CNTNAP2: variants seen among roughly 807,000 people sequenced by gnomAD.
CNTNAP2 encodes contactin-associated protein-like 2.
CNTNAP2 carries 98 observed loss-of-function variants against 155.2 expected under a neutral mutation model. The ratio of observed to expected loss-of-function variants is 0.63; its 90% confidence interval spans 0.54 to 0.75. The LOEUF is 0.75. Ranked by LOEUF, CNTNAP2 falls within the 30% of genes least tolerant of loss-of-function variation. CNTNAP2 has a pLI of 0.00. For synonymous variants in CNTNAP2, 651 were observed against 631.2 expected (o/e 1.03, Z -0.47); for missense variants, 1,727 against 1,688.1 (o/e 1.02, Z -0.40).
chr7:147,092,273 G>C (rs1800424038), intron 4 of CNTNAP2, among the ~76,000 whole-genome samples: 2 of 152,256 alleles, frequency 1.3e-5, no homozygotes, highest in South Asian at 4.1e-4. Context: ...CTGGATTTGT[G>C]ATATATCTGT....
intron 3 of CNTNAP2, among the ~76,000 whole-genome samples, chr7:146,923,600 G>T (rs971296653): frequency 6.6e-6 from 1 of 152,128 alleles, no homozygotes; most frequent in African/African-American, 2.4e-5. Context: ...GGGAGAAAGA[G>T]ATCTCACTCT....
chr7:147,059,229 G>A (rs942368390), intron 4 of CNTNAP2, among the ~76,000 whole-genome samples: 1 of 152,156 alleles, frequency 6.6e-6, no homozygotes, highest in Non-Finnish European at 1.5e-5. Context: ...GTGAAAATAT[G>A]TTCTATTGAA....
chr7:147,620,353 T>C (rs569792864), intron 12 of CNTNAP2, among the ~76,000 whole-genome samples: 1 of 152,210 alleles, frequency 6.6e-6, no homozygotes, highest in South Asian at 2.1e-4. Flanking sequence ...CAGGAACCAA[T>C]CCTAGTGAAA....
rs6464803 is a variant in CNTNAP2, at chr7:147,453,807, C to A, written c.1671-32128C>A. ...AAAGCTAAAAAAAAGAAAATGCCACCAAAAGTTCTTTAATGTATTTTTAAA... is the reference window on the plus strand; with the variant it reads ...AAAGCTAAAAAAAAGAAAATGCCACAAAAAGTTCTTTAATGTATTTTTAAA... On this transcript the variant is annotated intron_variant, in intron 10 of 23. Coordinates refer to ENST00000361727, the MANE Select transcript of CNTNAP2 (RefSeq NM_014141.6). Among the ~76,000 whole-genome samples the A allele has an allele frequency of 2.0e-5, 3 of 152,142 alleles. No individual in the cohort carries two copies. In the East Asian group the frequency reaches 5.8e-4, roughly 29 times the overall value.
chr7:147,872,881 T>C (rs759964360), intron 13 of CNTNAP2, among the ~76,000 whole-genome samples: 1 of 152,152 alleles, frequency 6.6e-6, no homozygotes, highest in Non-Finnish European at 1.5e-5. Flanking sequence ...AACACAAATA[T>C]ATAGCATGTT....
chr7:147,390,391 C>A (rs1008027793), intron 9 of CNTNAP2, among the ~76,000 whole-genome samples: 2 of 152,136 alleles, frequency 1.3e-5, no homozygotes, highest in African/African-American at 4.8e-5. Context: ...TTATCTCTTA[C>A]TTTTCTGTAA....
At chr7:148,298,980 G>A (rs1797332640) in intron 21 of CNTNAP2, among the ~76,000 whole-genome samples, 1 of 151,756 alleles carries the variant, frequency 6.6e-6, no homozygotes, top group Non-Finnish European at 1.5e-5. Flanking sequence ...ATGGCACCTG[G>A]CCAACTTTTT....
At chr7:147,460,131 TA>T (rs1013147471) in intron 10 of CNTNAP2, among the ~76,000 whole-genome samples, 23 of 150,850 alleles carry the variant, frequency 1.5e-4, no homozygotes, top group Non-Finnish European at 3.1e-4. Flanking sequence ...TCCCAGAACT[TA>T]AAAAAAAAGA....
intron 11 of CNTNAP2, among the ~76,000 whole-genome samples, chr7:147,516,497 C>T (rs1366650373): frequency 3.3e-5 from 5 of 152,130 alleles, no homozygotes; most frequent in Non-Finnish European, 4.4e-5. Flanking sequence ...ATCCAGCTTA[C>T]CTAAATCTAC....
intron 3 of CNTNAP2, among the ~76,000 whole-genome samples, chr7:146,995,591 A>G (rs1798293834): frequency 6.6e-6 from 1 of 152,068 alleles, no homozygotes; most frequent in South Asian, 2.1e-4. Context: ...GAATAATGAT[A>G]TTGAACATTT....
At chr7:147,529,799 G>A (rs6464816) in intron 11 of CNTNAP2, among the ~76,000 whole-genome samples, 23,326 of 152,004 alleles carry the variant, frequency 0.15, 2,048 homozygotes, top group East Asian at 0.32. Flanking sequence ...CAACAGAGCC[G>A]GATAAAAAGA....
intron 1 of CNTNAP2, among the ~76,000 whole-genome samples, chr7:146,268,899 A>AT (rs1800036080): frequency 6.6e-6 from 1 of 152,256 alleles, no homozygotes; most frequent in African/African-American, 2.4e-5. Context: ...CTCAGCTGAA[A>AT]TACACTGGAA....
intron 4 of CNTNAP2, among the ~76,000 whole-genome samples, chr7:147,046,486 C>T (rs1799358546): frequency 6.6e-6 from 1 of 152,062 alleles, no homozygotes; most frequent in Non-Finnish European, 1.5e-5. Context: ...TGTGAATATT[C>T]TACAATCATT....
chr7:148,414,478 T>C (rs1320447457), intron 23 of CNTNAP2, among the ~76,000 whole-genome samples: 2 of 148,424 alleles, frequency 1.3e-5, no homozygotes, highest in East Asian at 3.9e-4. Flanking sequence ...AGGTTTCTAA[T>C]AGCTATTGTA....
intron 3 of CNTNAP2, among the ~76,000 whole-genome samples, chr7:146,942,554 A>G (rs896242500): frequency 3.9e-5 from 6 of 152,104 alleles, no homozygotes; most frequent in Non-Finnish European, 5.9e-5. Context: ...AAAACAAAAA[A>G]CTTGCATAAA....
intron 4 of CNTNAP2, among the ~76,000 whole-genome samples, chr7:147,107,687 A>G (rs1410750916): frequency 6.6e-6 from 1 of 152,174 alleles, no homozygotes; most frequent in Non-Finnish European, 1.5e-5. Flanking sequence ...GAATAGCATA[A>G]AAGATTACAT....
At chr7:146,217,046 T>A (rs1410269331) in intron 1 of CNTNAP2, among the ~76,000 whole-genome samples, 1 of 152,166 alleles carries the variant, frequency 6.6e-6, no homozygotes, top group Non-Finnish European at 1.5e-5. Flanking sequence ...TTAATTTGAT[T>A]TTTAGGAACT....
At chr7:146,936,331 C>T (rs982713559) in intron 3 of CNTNAP2, among the ~76,000 whole-genome samples, 2 of 152,158 alleles carry the variant, frequency 1.3e-5, no homozygotes, top group Non-Finnish European at 2.9e-5. Flanking sequence ...GATCCTAGAA[C>T]AGACGAGGTT....
chr7:146,465,018 G>A (rs979321903), intron 1 of CNTNAP2, among the ~76,000 whole-genome samples: 1 of 151,956 alleles, frequency 6.6e-6, no homozygotes, highest in Non-Finnish European at 1.5e-5. Flanking sequence ...TAATTGGCCT[G>A]CTTTTGTGAT....
Sources: allele counts gnomAD v4.1 joint callset (sites outside exome capture counted in the v4.1 genomes callset), GRCh38; gene constraint gnomAD v4.1.1; transcripts MANE v1.5; gene names NCBI Gene and HGNC (gene_info 2026-07-23, HGNC 2026-07-21).